The following RNF152 variants were observed in gnomAD, a reference collection of about 807,000 sequenced individuals.
RNF152 encodes E3 ubiquitin-protein ligase RNF152.
RNF152 carries 11 observed loss-of-function variants against 12.7 expected under a neutral mutation model. The observed-to-expected ratio is 0.86, with a 90% confidence interval of 0.54 to 1.43. RNF152 has a LOEUF of 1.43. Among genes scored for constraint, RNF152 ranks in the 40% most tolerant of loss-of-function variants. The pLI, the probability that RNF152 is intolerant of heterozygous loss-of-function variation, is 0.00. For synonymous variants in RNF152, 113 were observed against 120.3 expected (o/e 0.94, Z 0.40); for missense variants, 255 against 274.8 (o/e 0.93, Z 0.51).
chr18:61,857,619 C>G (rs1911282721), intron 1 of RNF152, among the ~76,000 whole-genome samples: 1 of 152,124 alleles, frequency 6.6e-6, no homozygotes, highest in Admixed American at 6.5e-5. Context: ...ATCTCATCGC[C>G]ATGTTCTGAC....
chr18:61,864,163 C>A (rs952059803), intron 1 of RNF152, among the ~76,000 whole-genome samples: 1 of 152,136 alleles, frequency 6.6e-6, no homozygotes, highest in Non-Finnish European at 1.5e-5. Context: ...CCCTAACTAC[C>A]CGGAGTCACA....
chr18:61,844,106 G>GAAAGAAAGAAAGAAAGAA (rs1555702347), intron 1 of RNF152, among the ~76,000 whole-genome samples: 48 of 138,932 alleles, frequency 3.5e-4, no homozygotes, highest in East Asian at 1.0e-3. Flanking sequence ...AAGAAAGAAA[G>GAAAGAAAGAAAGAAAGAA]AAAGAAAGAA....
At chr18:61,821,869 C>T (rs569450404) in intron 1 of RNF152, among the ~76,000 whole-genome samples, 51 of 152,288 alleles carry the variant, frequency 3.3e-4, no homozygotes, top group African/African-American at 1.1e-3. Flanking sequence ...GCCTGATGAT[C>T]TGAGGTGGAA....
intron 1 of RNF152, among the ~76,000 whole-genome samples, chr18:61,827,407 G>A (rs1383790127): frequency 1.3e-5 from 2 of 152,144 alleles, no homozygotes; most frequent in Non-Finnish European, 2.9e-5. Context: ...GGAAGGAGGT[G>A]TAAGGAGGGA....
chr18:61,883,080 A>C (rs1296220205), intron 1 of RNF152, among the ~76,000 whole-genome samples: 2 of 152,222 alleles, frequency 1.3e-5, no homozygotes, highest in Non-Finnish European at 2.9e-5. Flanking sequence ...TGCATTTTCA[A>C]ATGAGTGATG....
At chr18:61,851,873 G>C (rs1234215921) in intron 1 of RNF152, among the ~76,000 whole-genome samples, 2 of 152,100 alleles carry the variant, frequency 1.3e-5, no homozygotes, top group Non-Finnish European at 2.9e-5. Context: ...TATTCTACAG[G>C]CTTTCTATCA....
chr18:61,827,535 A>G (rs137889582), intron 1 of RNF152, among the ~76,000 whole-genome samples: 1 of 152,336 alleles, frequency 6.6e-6, no homozygotes, highest in East Asian at 1.9e-4. Flanking sequence ...CAAATTACCC[A>G]GAGAACATTC....
Position 61,820,221 on chromosome 18 carries a change from C to T in RNF152, c.-135-3623G>A, listed in dbSNP as rs868043227. Among the ~76,000 whole-genome samples the T allele has an allele frequency of 4.1e-4, 60 of 144,780 alleles. 1 individual carries two copies. Among genetic ancestry groups the T allele is most frequent in the African/African-American group, 1.4e-3 (56 of 39,242 alleles). 95.0% of individuals were successfully genotyped at this position (144,780 alleles called of 152,430 possible). On this transcript the variant is annotated intron_variant, in intron 1 of 1. Transcript: ENST00000312828. ...GCGGACGCCTGTAGTCCCAGCTACTCGGGAGGCTGAGGCAGGAGAATGGTG... is the reference window on the plus strand; with the variant it reads ...GCGGACGCCTGTAGTCCCAGCTACTTGGGAGGCTGAGGCAGGAGAATGGTG...
chr18:61,839,129 C>T (rs1162865363), intron 1 of RNF152, among the ~76,000 whole-genome samples: 1 of 152,008 alleles, frequency 6.6e-6, no homozygotes, highest in Non-Finnish European at 1.5e-5. Flanking sequence ...CCTGAGGTCC[C>T]GTTATCCCCA....
chr18:61,876,327 C>T (rs1021245545), intron 1 of RNF152, among the ~76,000 whole-genome samples: 1 of 152,194 alleles, frequency 6.6e-6, no homozygotes, highest in Middle Eastern at 3.2e-3. Flanking sequence ...AAAGGAGCAT[C>T]TTGGTATAAA....
rs544106167 is a variant in RNF152, at chr18:61,870,146, C to T, written c.-136+22649G>A. The stretch of plus-strand genomic sequence containing the variant: ...TGGAAATATTACGTTCCTGCACCCA[C>T]ATTTATCACGAATACCCTGCTTTTA... On this transcript the variant is annotated intron_variant, in intron 1 of 1. Coordinates refer to ENST00000312828, the MANE Select transcript of RNF152 (RefSeq NM_173557.3). 9.8e-5 allele frequency among the ~76,000 whole-genome samples: 15 copies of T among 152,320 alleles called. No individual in the cohort carries two copies. In the East Asian group the frequency reaches 2.9e-3, roughly 29 times the overall value.
chr18:61,876,388 T>C (rs1599320369), intron 1 of RNF152, among the ~76,000 whole-genome samples: 1 of 152,188 alleles, frequency 6.6e-6, no homozygotes, highest in Admixed American at 6.5e-5. Context: ...GGAAGCATTA[T>C]GCCAAGAGTT....
At chr18:61,874,251 G>A (rs954523735) in intron 1 of RNF152, among the ~76,000 whole-genome samples, 1 of 152,160 alleles carries the variant, frequency 6.6e-6, no homozygotes, top group Non-Finnish European at 1.5e-5. Flanking sequence ...CGCATGAACT[G>A]ACCAAAGAGA....
intron 1 of RNF152, among the ~76,000 whole-genome samples, chr18:61,819,317 A>G (rs1309073375): frequency 6.6e-6 from 1 of 152,230 alleles, no homozygotes; most frequent in Admixed American, 6.5e-5. Context: ...GAGACTGTGG[A>G]CCGTGGGCAG....
chr18:61,879,651 G>C (rs141268201), intron 1 of RNF152, among the ~76,000 whole-genome samples: 1 of 152,120 alleles, frequency 6.6e-6, no homozygotes, highest in African/African-American at 2.4e-5. Flanking sequence ...ACAGTAACTA[G>C]AGAGGGAGGA....
chr18:61,816,378 T>C lies in RNF152; in HGVS notation c.86A>G (p.Asp29Gly), dbSNP rs146521824. 6.2e-7 allele frequency: 1 copy of C among 1,614,004 alleles called. No homozygotes were observed. Among genetic ancestry groups the C allele is most frequent in the African/African-American group, 1.3e-5 (1 of 74,934 alleles). ...CACTGAACAGCAGGTGTGCTTGCAGTCCAGCAACTTGGGCCTGCGCCGGGG... is the reference window on the plus strand; with the variant it reads ...CACTGAACAGCAGGTGTGCTTGCAGCCCAGCAACTTGGGCCTGCGCCGGGG... ...YSPRRRPKLL[D>G]CKHTCCSVCL... is the part of the protein sequence containing the mutation. Residue 29 changes from aspartate to glycine, a missense_variant, in exon 2 of 2, where the codon GAC (aspartate) becomes GGC (glycine). Asp to Gly is a moderately conservative substitution (Grantham distance 94). Transcript: ENST00000312828.
At chr18:61,890,732 C>T (rs1377479392) in intron 1 of RNF152, among the ~76,000 whole-genome samples, 2 of 152,188 alleles carry the variant, frequency 1.3e-5, no homozygotes, top group African/African-American at 4.8e-5. Flanking sequence ...CTGAACACTA[C>T]CTTGAAAAGC....
intron 1 of RNF152, among the ~76,000 whole-genome samples, chr18:61,872,212 G>T (rs1401915575): frequency 6.6e-6 from 1 of 152,082 alleles, no homozygotes; most frequent in Non-Finnish European, 1.5e-5. Flanking sequence ...GCACCAAAAG[G>T]ATAGTGCTAA....
intron 1 of RNF152, among the ~76,000 whole-genome samples, chr18:61,829,138 A>C (rs1909812662): frequency 6.6e-6 from 1 of 152,132 alleles, no homozygotes; most frequent in Admixed American, 6.5e-5. Flanking sequence ...GTTAAGATTA[A>C]CATGCATTCA....
Sources: gnomAD v4.1 joint callset for allele counts (sites outside exome capture counted in the v4.1 genomes callset) on GRCh38, gnomAD v4.1.1 for gene constraint, MANE v1.5 for transcripts, NCBI Gene and HGNC (gene_info 2026-07-23, HGNC 2026-07-21) for gene names.